MICU2: variants seen among roughly 807,000 people sequenced by gnomAD.
The protein encoded by MICU2 is calcium uptake protein 2, mitochondrial.
A neutral mutation model predicts 60.4 loss-of-function variants in MICU2; 64 were observed. The observed-to-expected ratio is 1.06, with a 90% CI of 0.87 to 1.31. The LOEUF (loss-of-function observed/expected upper bound fraction) is 1.31, where lower values mean the gene tolerates loss of function less well. Among genes scored for constraint, MICU2 ranks in the 50% most tolerant of loss-of-function variants. The pLI, the probability that MICU2 is intolerant of heterozygous loss-of-function variation, is 0.00. For synonymous variants in MICU2, 201 were observed against 175.0 expected, an observed-to-expected ratio of 1.15 and a Z score of -1.17; for missense variants, 569 against 531.0, an observed-to-expected ratio of 1.07 and a Z score of -0.70.
intron 6 of MICU2, chr13:21,515,752 T>C (rs2138156511): frequency 5.3e-6 from 1 of 188,504 alleles, no homozygotes; most frequent in East Asian, 1.3e-4. Context: ...TTCTATTACG[T>C]TTGTTTTAGG....
At chr13:21,571,029 C>A (rs559497336) in intron 1 of MICU2, among the ~76,000 whole-genome samples, 1 of 152,262 alleles carries the variant, frequency 6.6e-6, no homozygotes, top group East Asian at 1.9e-4. Flanking sequence ...CTTCCGTGTG[C>A]TTTTCCTGGT....
chr13:21,552,862 G>A lies in MICU2; in HGVS notation c.359-13174C>T, dbSNP rs1167622136. ...GTAGTATAGTTTGAAGTCAGGTAGCGTGATGCCTCCAGCTTTGTTCTTTTG... is the reference window on the plus strand; with the variant it reads ...GTAGTATAGTTTGAAGTCAGGTAGCATGATGCCTCCAGCTTTGTTCTTTTG... On this transcript the variant is annotated intron_variant, in intron 2 of 11. Transcript: ENST00000382374. Among the ~76,000 whole-genome samples, 22 of 152,250 alleles carry A rather than the reference G, an allele frequency of 1.4e-4. No individual in the cohort carries two copies. The South Asian group carries it at 2.1e-3, about 14-fold the overall frequency.
At chr13:21,583,935 T>C (rs1368244038) in intron 1 of MICU2, among the ~76,000 whole-genome samples, 1 of 152,238 alleles carries the variant, frequency 6.6e-6, no homozygotes. Context: ...TCTCACTGTA[T>C]ATAATCTTCT....
intron 4 of MICU2, among the ~76,000 whole-genome samples, chr13:21,532,649 A>G (rs917010068): frequency 6.6e-6 from 1 of 152,226 alleles, no homozygotes; most frequent in South Asian, 2.1e-4. Context: ...GCAATACAAC[A>G]AAGTATGGGG....
chr13:21,577,487 T>C, intron 1 of MICU2, among the ~76,000 whole-genome samples: 1 of 151,878 alleles, frequency 6.6e-6, no homozygotes, highest in Admixed American at 6.6e-5. Flanking sequence ...AGACCCTGTT[T>C]CTACAAAAAT....
At chr13:21,507,369 A>C (rs929958440) in intron 8 of MICU2, among the ~76,000 whole-genome samples, 6 of 152,294 alleles carry the variant, frequency 3.9e-5, no homozygotes, top group Admixed American at 2.0e-4. Flanking sequence ...TACAGTTTGA[A>C]AAATTATCCC....
intron 2 of MICU2, among the ~76,000 whole-genome samples, chr13:21,555,495 A>C (rs1171273527): frequency 1.3e-5 from 2 of 152,236 alleles, no homozygotes; most frequent in African/African-American, 4.8e-5. Flanking sequence ...AACTCTCAAT[A>C]AATTAGGTAT....
intron 4 of MICU2, chr13:21,531,152 G>C: frequency 2.2e-6 from 2 of 908,380 alleles, no homozygotes; most frequent in Non-Finnish European, 3.7e-6. Context: ...ATGAAGACAT[G>C]CTAGAAAACC....
At chr13:21,539,150 T>C (rs1887211299) in intron 4 of MICU2, 152 bp downstream of exon 4, 3 of 632,296 alleles carry the variant, frequency 4.7e-6, no homozygotes, top group Non-Finnish European at 2.8e-6. Flanking sequence ...TTATCTGTAA[T>C]TGCTCAAAGA....
At chr13:21,494,373 G>A (rs913287130) in intron 11 of MICU2, among the ~76,000 whole-genome samples, 1 of 152,090 alleles carries the variant, frequency 6.6e-6, no homozygotes, top group South Asian at 2.1e-4. Context: ...TTTTCTGAGA[G>A]TGCTTCTAGC....
chr13:21,564,917 G>T (rs1325723894), intron 2 of MICU2, among the ~76,000 whole-genome samples: 1 of 152,088 alleles, frequency 6.6e-6, no homozygotes, highest in Admixed American at 6.5e-5. Context: ...TCAGATTCCA[G>T]CAATTAATTA....
chr13:21,503,239 G>A, intron 8 of MICU2, 142 bp from the exon 9 acceptor site: 1 of 624,394 alleles, frequency 1.6e-6, no homozygotes, highest in Non-Finnish European at 2.7e-6. Context: ...TTAGTGCTGT[G>A]CAAGGATTGT....
intron 4 of MICU2, among the ~76,000 whole-genome samples, chr13:21,522,972 T>TG (rs1462235020): frequency 1.3e-5 from 2 of 152,352 alleles, no homozygotes; most frequent in African/African-American, 4.8e-5. Context: ...GCATTTACAT[T>TG]GGTAGACTCG....
At chr13:21,569,782 T>C (rs1294691710) in intron 1 of MICU2, among the ~76,000 whole-genome samples, 1 of 151,604 alleles carries the variant, frequency 6.6e-6, no homozygotes, top group Non-Finnish European at 1.5e-5. Context: ...CACAATGCCC[T>C]TAATAGTAGA....
At chr13:21,561,277 G>A (rs1366849151) in intron 2 of MICU2, among the ~76,000 whole-genome samples, 1 of 152,006 alleles carries the variant, frequency 6.6e-6, no homozygotes, top group Non-Finnish European at 1.5e-5. Context: ...GCTATCGTTA[G>A]GTGAAATATC....
At chr13:21,600,925 T>C (rs4770181) in intron 1 of MICU2, among the ~76,000 whole-genome samples, 35,585 of 151,946 alleles carry the variant, frequency 0.23, 5,089 homozygotes, top group East Asian at 0.65. Flanking sequence ...GGCCCCCGAG[T>C]GGCTGGGACT....
At chr13:21,504,012 A>G (rs968437922) in intron 8 of MICU2, among the ~76,000 whole-genome samples, 1 of 152,186 alleles carries the variant, frequency 6.6e-6, no homozygotes, top group African/African-American at 2.4e-5. Context: ...TATAAATCTT[A>G]AAAGCATGAA....
At chr13:21,533,797 G>GA (rs954611721) in intron 4 of MICU2, among the ~76,000 whole-genome samples, 15 of 152,004 alleles carry the variant, frequency 9.9e-5, no homozygotes, top group Admixed American at 8.5e-4. Context: ...CTAGGGAAAA[G>GA]AAAAAATATC....
chr13:21,496,251 A>C, intron 9 of MICU2, 91 bp from the exon 10 acceptor site: 1 of 906,126 alleles, frequency 1.1e-6, no homozygotes, highest in East Asian at 2.7e-5. Context: ...TACCGTAGAG[A>C]CTAGTATCAT....
Sources: allele counts gnomAD v4.1 joint callset (sites outside exome capture counted in the v4.1 genomes callset), GRCh38; gene constraint gnomAD v4.1.1; transcripts MANE v1.5; gene names NCBI Gene and HGNC (gene_info 2026-07-23, HGNC 2026-07-21).